Variants in DNAAF8 observed in about 807,000 individuals in gnomAD.
DNAAF8 encodes dynein axonemal assembly factor 8, also known as dynein axonemal-associated protein 1.
A neutral mutation model predicts 54.6 loss-of-function variants in DNAAF8; 61 were observed. The ratio of observed to expected loss-of-function variants is 1.12; its 90% CI spans 0.91 to 1.38. DNAAF8 has a LOEUF of 1.38. Ranked by LOEUF, DNAAF8 falls within the 40% of genes most tolerant of loss-of-function variation. The pLI, the probability that DNAAF8 is intolerant of heterozygous loss-of-function variation, is 0.00. For synonymous variants in DNAAF8, 320 were observed against 270.1 expected, an observed-to-expected ratio of 1.18 and a Z score of -1.81; for missense variants, 837 against 665.0, an observed-to-expected ratio of 1.26 and a Z score of -2.85.
At chr16:4,735,106 C>T (rs891374033) in intron 1 of DNAAF8, 2 of 152,382 alleles carry the variant, frequency 1.3e-5, no homozygotes, top group Non-Finnish European at 2.9e-5. Context: ...ACTTTCTTCC[C>T]TTAAACCTGT....
In DNAAF8 at chr16:4,736,495, A is replaced by G. The variant is rs769229093; in HGVS notation, c.-20A>G. 6.5e-6 allele frequency: 10 copies of G among 1,528,170 alleles called. No individual in the cohort carries two copies. Among genetic ancestry groups the G allele is most frequent in the Middle Eastern group, 1.7e-4 (1 of 5,768 alleles). The allele number at this position is 1,528,170 out of a possible 1,614,324, so 94.7% of individuals were successfully genotyped here. On this transcript the variant is annotated 5_prime_UTR_variant, in exon 2 of 10. Coordinates refer to ENST00000299320, the MANE Select transcript of DNAAF8 (RefSeq NM_139170.3). ...CCGGATTATGGTGCACTGAGAAGGC[A>G]TCTGGAAGCCTGGGCCCTCATGGCA...
intron 5 of DNAAF8, chr16:4,743,792 T>G (rs1461202624): frequency 6.6e-6 from 1 of 152,326 alleles, no homozygotes; most frequent in Non-Finnish European, 1.5e-5. Flanking sequence ...ATACATTTTG[T>G]TGGTTTGTAA....
At chr16:4,747,811 G>A (rs1418230835) in intron 9 of DNAAF8, among the ~76,000 whole-genome samples, 177 bp downstream of exon 9, 1 of 152,198 alleles carries the variant, frequency 6.6e-6, no homozygotes, top group Non-Finnish European at 1.5e-5. Flanking sequence ...TGAACTTAGA[G>A]GAAGGATGCA....
chr16:4,746,083 G>T (rs737698), intron 6 of DNAAF8: 185,538 of 297,462 alleles, frequency 0.62, 58,752 homozygotes, highest in East Asian at 0.68. Context: ...AATGTTTTAT[G>T]CATTGGATTT....
rs775684529 is a variant in DNAAF8, at chr16:4,747,001, C to T, written c.1256C>T (p.Ala419Val). Reference protein sequence around the residue: ...EMAALGDAEGASPSSLGLRTC... With the variant: ...EMAALGDAEGVSPSSLGLRTC... Reference sequence around the variant, plus strand: ...GCAGCTCTGGGAGACGCAGAGGGGGCATCTCCTTCCTCCCTGGGGCTACGG... The same window carrying T: ...GCAGCTCTGGGAGACGCAGAGGGGGTATCTCCTTCCTCCCTGGGGCTACGG... The change falls in exon 8 of 10, where the codon GCA (alanine) becomes GTA (valine). Residue 419 changes from alanine to valine, a missense_variant. Coordinates refer to ENST00000299320, the MANE Select transcript of DNAAF8 (RefSeq NM_139170.3). The T allele has an allele frequency of 2.0e-6, 3 of 1,537,736 alleles. No homozygotes were observed. The highest frequency in any genetic ancestry group is 2.6e-6 in the Non-Finnish European group (3 of 1,146,176).
intron 9 of DNAAF8, among the ~76,000 whole-genome samples, chr16:4,748,054 G>C (rs967599270): frequency 6.6e-6 from 1 of 152,058 alleles, no homozygotes; most frequent in Non-Finnish European, 1.5e-5. Context: ...GGTTGAAAGA[G>C]ACCTAAGCCT....
intron 3 of DNAAF8, 94 bp downstream of exon 3, chr16:4,738,040 G>T (rs942219946): frequency 2.1e-6 from 3 of 1,405,166 alleles, no homozygotes; most frequent in Admixed American, 2.4e-5. Context: ...TCCACGATAT[G>T]CTAGAACATG....
chr16:4,744,813 G>C (rs1024259269), intron 5 of DNAAF8, 57 bp from the exon 6 acceptor site: 20 of 1,563,390 alleles, frequency 1.3e-5, no homozygotes, highest in Non-Finnish European at 1.7e-5. Flanking sequence ...TCCAGCTGCT[G>C]TAAGTCACAA....
intron 7 of DNAAF8, 46 bp from the exon 8 acceptor site, chr16:4,746,881 A>C: frequency 6.8e-7 from 1 of 1,477,068 alleles, no homozygotes; most frequent in Middle Eastern, 1.7e-4. Flanking sequence ...GAGTTGGAAC[A>C]CCAGGTGGAG....
chr16:4,739,265 G>GGTTTTTTTTTTTTGT (rs1555482695), intron 3 of DNAAF8, among the ~76,000 whole-genome samples: 1 of 69,030 alleles, frequency 1.4e-5, no homozygotes, highest in Non-Finnish European at 2.6e-5. Flanking sequence ...ATTTTTTCTT[G>GGTTTTTTTTTTTTGT]TTTTTTTTTT....
At chr16:4,748,474 C>G (rs2082047086) in intron 9 of DNAAF8, 1 of 152,202 alleles carries the variant, frequency 6.6e-6, no homozygotes, top group Non-Finnish European at 1.5e-5. Flanking sequence ...AGACAGAATA[C>G]TGGAAACCCC....
chr16:4,740,697 G>T (rs1248044710), intron 4 of DNAAF8, 38 bp downstream of exon 4: 1 of 1,530,252 alleles, frequency 6.5e-7, no homozygotes, highest in East Asian at 2.3e-5. Context: ...TCTCAGGCCT[G>T]TTACCTGTGG....
intron 4 of DNAAF8, among the ~76,000 whole-genome samples, chr16:4,742,552 CAAA>C (rs576508321): frequency 9.5e-5 from 9 of 94,684 alleles, no homozygotes; most frequent in African/African-American, 1.3e-4. Flanking sequence ...ACTAAAAATA[CAAA>C]AAAAAAAAAA....
Position 4,734,571 on chromosome 16 carries a change from G to C in DNAAF8, c.-179G>C, listed in dbSNP as rs1237110173. Reference sequence around the variant, plus strand: ...ATGTAAAGCTCCGCTGAGAGGGAGAGTGCTGAAGAAGGGGACAGCCTCTGT... The same window carrying C: ...ATGTAAAGCTCCGCTGAGAGGGAGACTGCTGAAGAAGGGGACAGCCTCTGT... On this transcript the variant is annotated 5_prime_UTR_variant, in exon 1 of 10. Transcript: ENST00000299320. 6.6e-6 allele frequency: 1 copy of C among 152,346 alleles called. No homozygotes were observed. Among genetic ancestry groups the C allele is most frequent in the African/African-American group, 2.4e-5 (1 of 41,458 alleles). The allele number at this position is 152,346 out of a possible 1,614,324, so 9.4% of individuals were successfully genotyped here.
intron 8 of DNAAF8, 71 bp from the exon 9 acceptor site, chr16:4,747,271 CT>C: frequency 6.7e-7 from 1 of 1,483,712 alleles, no homozygotes; most frequent in Middle Eastern, 1.9e-4. Flanking sequence ...TGCTTTTCTC[CT>C]GTTTCAGTAA....
At chr16:4,746,580 C>A (rs1284644825) in intron 7 of DNAAF8, 68 bp downstream of exon 7, 4 of 1,520,486 alleles carry the variant, frequency 2.6e-6, no homozygotes, top group Non-Finnish European at 2.7e-6. Flanking sequence ...CCGCACAGAG[C>A]CTCTGGTGGA....
chr16:4,746,623 C>A, intron 7 of DNAAF8, 111 bp downstream of exon 7: 1 of 1,363,596 alleles, frequency 7.3e-7, no homozygotes, highest in Non-Finnish European at 9.9e-7. Context: ...CTTCAAAAGG[C>A]TTGGATCAAT....
intron 4 of DNAAF8, among the ~76,000 whole-genome samples, 189 bp from the exon 5 acceptor site, chr16:4,742,854 A>T (rs2081972143): frequency 6.6e-6 from 1 of 152,204 alleles, no homozygotes; most frequent in Non-Finnish European, 1.5e-5. Context: ...GCCCACCTTA[A>T]CGGAGGCGTT....
chr16:4,745,667 C>G (rs995747078), intron 6 of DNAAF8, among the ~76,000 whole-genome samples: 36 of 152,178 alleles, frequency 2.4e-4, no homozygotes, highest in Non-Finnish European at 4.6e-4. Context: ...GTGGCTACAC[C>G]TGGCTGGGCG....
Sources: allele counts gnomAD v4.1 joint callset (sites outside exome capture counted in the v4.1 genomes callset), GRCh38; gene constraint gnomAD v4.1.1; transcripts MANE v1.5; gene names NCBI Gene and HGNC (gene_info 2026-07-23, HGNC 2026-07-21).